The following FMN1 variants were observed in gnomAD, a reference collection of about 807,000 sequenced individuals.
The protein encoded by FMN1 is formin-1.
FMN1 carries 110 observed loss-of-function variants against 132.4 expected under a neutral mutation model. That is an observed-to-expected ratio of 0.83 (90% CI 0.71 to 0.97). FMN1 has a LOEUF of 0.97. Among genes scored for constraint, FMN1 ranks in the 50% least tolerant of loss-of-function variants. FMN1 has a pLI of 0.00. For synonymous variants in FMN1, 722 were observed against 651.7 expected (o/e 1.11, Z -1.64); for missense variants, 1,792 against 1,705.3 (o/e 1.05, Z -0.90).
intron 17 of FMN1, among the ~76,000 whole-genome samples, chr15:32,806,378 T>A (rs1373504439): frequency 6.6e-6 from 1 of 152,250 alleles, no homozygotes; most frequent in Non-Finnish European, 1.5e-5. Context: ...GTGACCATTA[T>A]CATACAGCTG....
chr15:32,946,584 T>G (rs2061516153), intron 9 of FMN1, among the ~76,000 whole-genome samples: 3 of 152,208 alleles, frequency 2.0e-5, no homozygotes, highest in Non-Finnish European at 4.4e-5. Context: ...GGTAAAGGCC[T>G]TTCGACTTCC....
At chr15:32,859,730 C>T (rs998647484) in intron 16 of FMN1, among the ~76,000 whole-genome samples, 7 of 152,256 alleles carry the variant, frequency 4.6e-5, no homozygotes, top group African/African-American at 1.2e-4. Flanking sequence ...ATGTATCTGG[C>T]GAAAGCATCA....
In FMN1 at chr15:33,111,185, T is replaced by C. The variant is rs565086472; in HGVS notation, c.1868-22211A>G. Among the ~76,000 whole-genome samples the C allele has an allele frequency of 1.2e-3, 188 of 152,260 alleles. 1 individual carries two copies. Among genetic ancestry groups the C allele is most frequent in the African/African-American group, 4.4e-3 (182 of 41,564 alleles). On this transcript the variant is annotated intron_variant, in intron 4 of 20. Transcript: ENST00000616417. ...CTATAAATCACACTGATTTTTAAAA[T>C]GTACATTGTAAAATGCTTTCAACCC...
At chr15:33,058,075 A>C (rs1001059831) in intron 6 of FMN1, among the ~76,000 whole-genome samples, 1 of 151,194 alleles carries the variant, frequency 6.6e-6, no homozygotes, top group African/African-American at 2.4e-5. Flanking sequence ...CTGGTGGTGG[A>C]AAGGTGTGAT....
chr15:33,109,490 C>T (rs1443363407), intron 4 of FMN1, among the ~76,000 whole-genome samples: 4 of 152,064 alleles, frequency 2.6e-5, no homozygotes, highest in East Asian at 1.9e-4. Context: ...TATATAACAC[C>T]ATGGAATACT....
At chr15:33,012,376 A>G (rs1328833603) in intron 6 of FMN1, 1 of 899,002 alleles carries the variant, frequency 1.1e-6, no homozygotes, top group Non-Finnish European at 1.8e-6. Flanking sequence ...TGTGGAACCA[A>G]AGAGAGCTGT....
rs1290147192 is a variant in FMN1, at chr15:32,929,980, AATTTTTTT to A, written c.3139-3727_3139-3720del. Among the ~76,000 whole-genome samples, 809 of 126,168 alleles carry A rather than the reference AATTTTTTT, an allele frequency of 6.4e-3. 8 individuals carry two copies. The highest frequency in any genetic ancestry group is 0.026 in the African/African-American group (762 of 29,068). 82.8% of individuals were successfully genotyped at this position (126,168 alleles called of 152,430 possible). A position where few individuals can be genotyped will look rare whatever the true frequency, so the allele number is the denominator to read the frequency against. On this transcript the variant is annotated intron_variant, in intron 9 of 20. Coordinates refer to ENST00000616417, the MANE Select transcript of FMN1 (RefSeq NM_001277313.2). The stretch of plus-strand genomic sequence containing the variant: ...GGATCATATGGTAGTTCTATTTTTA[AATTTTTTT>A]TTTTTTTTTTTTTTTTTTTGAGCTG...
intron 9 of FMN1, among the ~76,000 whole-genome samples, chr15:32,944,822 A>G (rs993414217): frequency 2.0e-5 from 3 of 152,028 alleles, no homozygotes; most frequent in African/African-American, 7.2e-5. Context: ...CAGATTTCTG[A>G]TTTTGTGTAA....
chr15:33,012,086 A>G, intron 6 of FMN1: 1 of 391,626 alleles, frequency 2.6e-6, no homozygotes, highest in East Asian at 5.4e-5. Flanking sequence ...GGACAGCACC[A>G]AAGGAAGCAT....
At chr15:32,780,386 C>T (rs941160636) in intron 19 of FMN1, among the ~76,000 whole-genome samples, 2 of 152,192 alleles carry the variant, frequency 1.3e-5, no homozygotes, top group African/African-American at 4.8e-5. Flanking sequence ...CTCACTGCTA[C>T]ACTCCCATTA....
In FMN1 at chr15:33,115,379, A is replaced by G. The variant is rs528505642; in HGVS notation, c.1868-26405T>C. ...CATAAAAGAATGTATGTGTAAGAAG[A>G]TGGCATATTTTCAACGGACTGGTAT... On this transcript the variant is annotated intron_variant, in intron 4 of 20. Coordinates refer to ENST00000616417, the MANE Select transcript of FMN1 (RefSeq NM_001277313.2). 3.9e-5 allele frequency among the ~76,000 whole-genome samples: 6 copies of G among 152,264 alleles called. No homozygotes were observed. The East Asian group carries it at 1.2e-3, about 29-fold the overall frequency.
intron 3 of FMN1, among the ~76,000 whole-genome samples, chr15:33,159,329 A>G (rs1445686844): frequency 6.6e-6 from 1 of 152,220 alleles, no homozygotes; most frequent in Non-Finnish European, 1.5e-5. Context: ...AGATAAATGC[A>G]CGAAGAGGAA....
In FMN1 at chr15:32,805,771, G is replaced by A. The variant is rs190136113; in HGVS notation, c.3929-1439C>T. On this transcript the variant is annotated intron_variant, in intron 17 of 20. Transcript: ENST00000616417. Reference sequence around the variant, plus strand: ...TATAAATCCAGTAGCATTTGCAGCAGTGCTGCTCAGAGTCATGGGAATCTT... The same window carrying A: ...TATAAATCCAGTAGCATTTGCAGCAATGCTGCTCAGAGTCATGGGAATCTT... 2.0e-5 allele frequency among the ~76,000 whole-genome samples: 3 copies of A among 151,500 alleles called. No individual in the cohort carries two copies. The East Asian group carries it at 5.8e-4, about 29-fold the overall frequency.
intron 9 of FMN1, among the ~76,000 whole-genome samples, chr15:32,950,539 G>A (rs2061628520): frequency 6.6e-6 from 1 of 152,254 alleles, no homozygotes; most frequent in Non-Finnish European, 1.5e-5. Context: ...GACTTTGCAG[G>A]CACATGGATG....
At chr15:33,063,779 C>T (rs956863304) in intron 6 of FMN1, 2 of 152,218 alleles carry the variant, frequency 1.3e-5, no homozygotes, top group African/African-American at 2.4e-5. Context: ...CTAGAACATC[C>T]TTATGCTTTC....
At chr15:33,124,641 A>G (rs550394865) in intron 4 of FMN1, among the ~76,000 whole-genome samples, 2 of 152,262 alleles carry the variant, frequency 1.3e-5, no homozygotes, top group South Asian at 2.1e-4. Flanking sequence ...GGTATCTAAT[A>G]ATCTGTGTTC....
rs986824158 is a variant in FMN1 at position 32,769,309 on chromosome 15, A to G, written c.*5001T>C. ...ATGTTAAAACTCTCTTAAATTCATC[A>G]CTTTCCAACAAAGCATTGATCTGGA... On this transcript the variant is annotated 3_prime_UTR_variant, in exon 21 of 21. Transcript: ENST00000616417. The G allele has an allele frequency of 6.6e-6, 1 of 152,212 alleles. No homozygotes were observed. Among genetic ancestry groups the G allele is most frequent in the African/African-American group, 2.4e-5 (1 of 41,456 alleles). 9.4% of individuals were successfully genotyped at this position (152,212 alleles called of 1,614,324 possible).
At chr15:32,838,386 C>T (rs893267750) in intron 17 of FMN1, among the ~76,000 whole-genome samples, 5 of 152,136 alleles carry the variant, frequency 3.3e-5, no homozygotes, top group African/African-American at 4.8e-5. Context: ...AACTGGTGCC[C>T]GATTTCTGTG....
intron 17 of FMN1, among the ~76,000 whole-genome samples, chr15:32,826,553 G>A (rs958593121): frequency 1.1e-4 from 17 of 152,296 alleles, no homozygotes; most frequent in African/African-American, 3.1e-4. Context: ...CCAGGGAAGC[G>A]CAGACCAATT....
Sources: allele counts gnomAD v4.1 joint callset (sites outside exome capture counted in the v4.1 genomes callset), GRCh38; gene constraint gnomAD v4.1.1; transcripts MANE v1.5; gene names NCBI Gene and HGNC (gene_info 2026-07-23, HGNC 2026-07-21).